CYP3A43: variants seen among roughly 807,000 people sequenced by gnomAD.
The protein encoded by CYP3A43 is cytochrome P450 3A43.
A neutral mutation model predicts 58.0 loss-of-function variants in CYP3A43; 45 were observed. The observed-to-expected ratio is 0.78, with a 90% CI of 0.61 to 0.99. The LOEUF is 0.99. CYP3A43 is among the 50% of genes least tolerant of loss of function. The pLI, the probability that CYP3A43 is intolerant of heterozygous loss-of-function variation, is 0.00. For missense variants in CYP3A43, 593 were observed against 591.9 expected, an observed-to-expected ratio of 1.00 and a Z score of -0.02; for synonymous variants, 191 against 201.4, an observed-to-expected ratio of 0.95 and a Z score of 0.44.
rs530352402 is a variant in CYP3A43, at chr7:99,854,132, C to A, written c.671-1459C>A. ...ATTCTTTCTAACTATTTTTTGTAAC[C>A]TTTTATTATCCTTACCTCCCCCGCC... is the stretch of plus-strand genomic sequence containing the variant. On this transcript the variant is annotated intron_variant, in intron 7 of 12. Transcript: ENST00000354829. Among the ~76,000 whole-genome samples, 23 of 152,058 alleles carry A rather than the reference C, an allele frequency of 1.5e-4. No homozygotes were observed. The South Asian group carries it at 4.8e-3, about 32-fold the overall frequency.
In CYP3A43 at chr7:99,829,223, C is replaced by A. The variant is rs568270931; in HGVS notation, c.71+1037C>A. 9.2e-5 allele frequency among the ~76,000 whole-genome samples: 14 copies of A among 152,264 alleles called. No individual in the cohort carries two copies. The South Asian group carries it at 2.9e-3, about 32-fold the overall frequency. On this transcript the variant is annotated intron_variant, in intron 1 of 12. Coordinates refer to ENST00000354829, the MANE Select transcript of CYP3A43 (RefSeq NM_057095.3). ...CCTCAACAGAGCCCATTCATCAAGACAGGGGAATTGTAATAGAGAATGAGT... is the reference window on the plus strand; with the variant it reads ...CCTCAACAGAGCCCATTCATCAAGAAAGGGGAATTGTAATAGAGAATGAGT...
intron 12 of CYP3A43, among the ~76,000 whole-genome samples, chr7:99,865,209 A>G (rs1303611654): frequency 2.0e-5 from 3 of 148,194 alleles, no homozygotes; most frequent in Non-Finnish European, 2.9e-5. Context: ...TTCCATGACA[A>G]TTTGCCTGCC....
At chr7:99,836,686 C>T in intron 2 of CYP3A43, 140 bp downstream of exon 2, 1 of 635,882 alleles carries the variant, frequency 1.6e-6, no homozygotes, top group African/African-American at 1.9e-5. Flanking sequence ...CCACCCAGAG[C>T]AGGGCCAGGT....
intron 10 of CYP3A43, among the ~76,000 whole-genome samples, chr7:99,860,728 G>T (rs759842355): frequency 2.0e-5 from 3 of 152,178 alleles, no homozygotes; most frequent in Non-Finnish European, 2.9e-5. Flanking sequence ...GGGGCTGCCC[G>T]GAGGGTTCCT....
At chr7:99,865,477 A>G (rs1448670910) in intron 12 of CYP3A43, among the ~76,000 whole-genome samples, 4 of 148,926 alleles carry the variant, frequency 2.7e-5, no homozygotes, top group Non-Finnish European at 4.4e-5. Context: ...AAGACTGTCC[A>G]TATAATTGAA....
At chr7:99,854,475 G>A (rs1225566904) in intron 7 of CYP3A43, among the ~76,000 whole-genome samples, 1 of 152,012 alleles carries the variant, frequency 6.6e-6, no homozygotes, top group Non-Finnish European at 1.5e-5. Flanking sequence ...AAAGTGCTAG[G>A]ATTACAGGCG....
chr7:99,854,624 G>A (rs115618950), intron 7 of CYP3A43, among the ~76,000 whole-genome samples: 7,311 of 151,836 alleles, frequency 0.048, 511 homozygotes, highest in African/African-American at 0.16. Flanking sequence ...GTTTTACTTT[G>A]CTCTTCATTT....
chr7:99,838,430 A>T (rs758701714), intron 2 of CYP3A43, among the ~76,000 whole-genome samples: 5 of 152,256 alleles, frequency 3.3e-5, no homozygotes, highest in African/African-American at 7.2e-5. Flanking sequence ...CATTCCCTTG[A>T]GACACTCACT....
chr7:99,852,924 T>C (rs1817818681), intron 7 of CYP3A43, among the ~76,000 whole-genome samples: 3 of 152,268 alleles, frequency 2.0e-5, no homozygotes, highest in Admixed American at 6.5e-5. Flanking sequence ...TACACAACCT[T>C]GTTTCCCTGG....
intron 10 of CYP3A43, among the ~76,000 whole-genome samples, chr7:99,860,591 G>A (rs1227861954): frequency 6.6e-6 from 1 of 152,192 alleles, no homozygotes; most frequent in East Asian, 1.9e-4. Context: ...ATTCTTTATG[G>A]TGTAACGAGA....
intron 4 of CYP3A43, among the ~76,000 whole-genome samples, 167 bp downstream of exon 4, chr7:99,844,409 TAGTAACAGA>T (rs1333908591): frequency 2.0e-5 from 3 of 152,226 alleles, no homozygotes; most frequent in African/African-American, 7.2e-5. Context: ...TCTGTCACTC[TAGTAACAGA>T]AAATTGCCAT....
At chr7:99,857,329 C>T (rs1818021166) in intron 9 of CYP3A43, among the ~76,000 whole-genome samples, 1 of 152,032 alleles carries the variant, frequency 6.6e-6, no homozygotes. Flanking sequence ...TTTATTTTTC[C>T]CTATATAATG....
chr7:99,850,352 TC>T (rs1276359475), intron 7 of CYP3A43, among the ~76,000 whole-genome samples: 13 of 151,522 alleles, frequency 8.6e-5, no homozygotes, highest in Non-Finnish European at 1.6e-4. Context: ...ACCTCCGCCT[TC>T]CAGGTTCAAG....
At chr7:99,830,007 G>A (rs1816779467) in intron 1 of CYP3A43, among the ~76,000 whole-genome samples, 1 of 152,144 alleles carries the variant, frequency 6.6e-6, no homozygotes, top group Non-Finnish European at 1.5e-5. Context: ...CCCAAAATAT[G>A]GCACTTAAGC....
chr7:99,849,551 T>C lies in CYP3A43; in HGVS notation c.527T>C (p.Phe176Ser), dbSNP rs1004751944. The change falls in exon 7 of 13, where the codon TTT becomes TCT. Residue 176 changes from phenylalanine (F) to serine (S), a missense_variant. Transcript: ENST00000354829. ...CCATGTTTTACTCTACTCAGTTTCT[T>C]TGGGGCCTACACCATGGATGTAATC... ...NSKSINLKDF[F>S]GAYTMDVITG... 1 of 1,596,180 alleles carries C rather than the reference T, an allele frequency of 6.3e-7. No individual in the cohort carries two copies. The highest frequency in any genetic ancestry group is 8.5e-7 in the Non-Finnish European group (1 of 1,175,750).
chr7:99,862,696 G>A (rs921544745), intron 11 of CYP3A43, among the ~76,000 whole-genome samples: 3 of 152,212 alleles, frequency 2.0e-5, no homozygotes, highest in East Asian at 1.9e-4. Context: ...GGCTGGTGAG[G>A]CCTGGGATCT....
chr7:99,846,058 T>G lies in CYP3A43; in HGVS notation c.319-1430T>G, dbSNP rs118080705. ...TCCCAAAGTGCTGGGACTACAGACATGAGCCACCACGCCTGGCCCCTTTTC... is the reference window on the plus strand; with the variant it reads ...TCCCAAAGTGCTGGGACTACAGACAGGAGCCACCACGCCTGGCCCCTTTTC... On this transcript the variant is annotated intron_variant, in intron 4 of 12. Coordinates refer to ENST00000354829, the MANE Select transcript of CYP3A43 (RefSeq NM_057095.3). Among the ~76,000 whole-genome samples the G allele has an allele frequency of 3.5e-3, 537 of 152,300 alleles. 3 individuals carry two copies. The highest frequency in any genetic ancestry group is 0.024 in the Middle Eastern group (7 of 294).
chr7:99,857,999 A>G (rs1369114925), intron 9 of CYP3A43, among the ~76,000 whole-genome samples: 1 of 152,168 alleles, frequency 6.6e-6, no homozygotes, highest in Non-Finnish European at 1.5e-5. Context: ...TTTTGTGAAA[A>G]GGGAAACAGT....
At chr7:99,861,384 GTC>G (rs2151625873) in intron 10 of CYP3A43, among the ~76,000 whole-genome samples, 1 of 152,310 alleles carries the variant, frequency 6.6e-6, no homozygotes, top group South Asian at 2.1e-4. Context: ...AAGGATTTCA[GTC>G]TCTGTGTAAG....
Sources: allele counts gnomAD v4.1 joint callset (sites outside exome capture counted in the v4.1 genomes callset), GRCh38; gene constraint gnomAD v4.1.1; transcripts MANE v1.5; gene names NCBI Gene and HGNC (gene_info 2026-07-23, HGNC 2026-07-21).